Variants in SEC31B observed in about 807,000 individuals in gnomAD.
SEC31B encodes the protein protein transport protein Sec31B.
Under a neutral mutation model 135.0 loss-of-function variants are expected in SEC31B, and 113 were observed. The ratio of observed to expected loss-of-function variants is 0.84; its 90% confidence interval spans 0.72 to 0.98. The LOEUF is 0.98. SEC31B is among the 50% of genes least tolerant of loss of function. The pLI is 0.00. For synonymous variants in SEC31B, 508 were observed against 549.4 expected (o/e 0.92, Z 1.05); for missense variants, 1,296 against 1,421.1 (o/e 0.91, Z 1.42).
intron 6 of SEC31B, 139 bp downstream of exon 6, chr10:100,507,769 A>G (rs1474100028): frequency 3.7e-6 from 5 of 1,334,090 alleles, no homozygotes; most frequent in African/African-American, 2.9e-5. Flanking sequence ...TTCACTCTCA[A>G]TAGGAAATGT....
At chr10:100,496,576 CG>C (rs1328731555) in intron 17 of SEC31B, 145 bp from the exon 18 acceptor site, 2 of 813,258 alleles carry the variant, frequency 2.5e-6, no homozygotes, top group Admixed American at 5.7e-5. Context: ...GATGATGACA[CG>C]TAAGAACTGT....
chr10:100,487,660 T>C lies in SEC31B; in HGVS notation c.3496A>G (p.Ile1166Val), dbSNP rs111248090. 25 of 1,613,702 alleles carry C rather than the reference T, an allele frequency of 1.5e-5. No homozygotes were observed. The highest frequency in any genetic ancestry group is 1.2e-4 in the African/African-American group (9 of 75,058). Residue 1166 changes from isoleucine to valine, a missense_variant, in exon 26 of 26, where the codon ATC becomes GTC. Physicochemically the swap from Ile to Val is conservative, Grantham distance 29 (BLOSUM62 3). Transcript: ENST00000370345. The part of the protein sequence containing the change: ...SFSEVSSFMP[I>V]LKAVLIIAHK... The stretch of plus-strand genomic sequence containing the variant: ...GCGATGATGAGGACAGCCTTCAGGA[T>C]AGGCATGAAGCTGGACACCTCGCTG...
chr10:100,493,877 A>C (rs188411197), intron 19 of SEC31B, among the ~76,000 whole-genome samples: 1 of 151,910 alleles, frequency 6.6e-6, no homozygotes, highest in Non-Finnish European at 1.5e-5. Context: ...GTTGGGATGC[A>C]GGAGACATCC....
intron 23 of SEC31B, 56 bp downstream of exon 23, chr10:100,489,196 C>T: frequency 6.5e-7 from 1 of 1,541,474 alleles, no homozygotes; most frequent in Non-Finnish European, 8.7e-7. Context: ...CCATGACCTG[C>T]ACCCAAGGAG....
At position 100,498,817 on chromosome 10, in the gene SEC31B, G is replaced by A. The variant is rs752592078; in HGVS notation, c.1585-13C>T. On this transcript the variant is annotated splice_polypyrimidine_tract_variant and intron_variant, in intron 13 of 25. Transcript: ENST00000370345. ...TGTGTTTGGAGGCCTGTATGAGGAA[G>A]GACAGAGGTGACTACTTAGGGATGA... 7 of 1,590,710 alleles carry A rather than the reference G, an allele frequency of 4.4e-6. No homozygotes were observed. Among genetic ancestry groups the A allele is most frequent in the Non-Finnish European group, 4.3e-6 (5 of 1,159,182 alleles).
intron 4 of SEC31B, 40 bp from the exon 5 acceptor site, chr10:100,509,142 G>T: frequency 6.3e-7 from 1 of 1,591,856 alleles, no homozygotes; most frequent in South Asian, 1.1e-5. Context: ...ACCACCCTAG[G>T]AAGAAACAGA....
chr10:100,509,510 A>C lies in SEC31B; in HGVS notation c.205T>G (p.Phe69Val), dbSNP rs376494359. The C allele has an allele frequency of 6.2e-7, 1 of 1,606,532 alleles. No individual in the cohort carries two copies. Among genetic ancestry groups the C allele is most frequent in the Non-Finnish European group, 8.5e-7 (1 of 1,175,324 alleles). The change falls in exon 4 of 26, where the codon TTT (phenylalanine) becomes GTT (valine). Residue 69 changes from phenylalanine to valine, a missense_variant and splice_region_variant. Physicochemically the swap from Phe to Val is conservative, Grantham distance 50. Coordinates refer to ENST00000370345, the MANE Select transcript of SEC31B (RefSeq NM_015490.4). ...AAGCTCCCCCAGACCAGCTTGTGAAACCTATAAAGAGGAGGAACTGGCATC... is the reference window on the plus strand; with the variant it reads ...AAGCTCCCCCAGACCAGCTTGTGAACCCTATAAAGAGGAGGAACTGGCATC... ...HRGVLSALSRFHKLVWGSFGS... is the reference protein window; with the variant it reads ...HRGVLSALSRVHKLVWGSFGS...
chr10:100,489,761 C>T lies in SEC31B; in HGVS notation c.2966G>A (p.Gly989Glu), dbSNP rs1255510050. 6.2e-7 allele frequency: 1 copy of T among 1,613,900 alleles called. No homozygotes were observed. Among genetic ancestry groups the T allele is most frequent in the Admixed American group, 1.7e-5 (1 of 59,990 alleles). ...GGCTTCTTTCCAGGAATCTTGAGGT[C>T]CTATAGAATAAAAAGATAGAGGTTT... ...PTTGILTPHP[G>E]PQDSWKEAPA... The change falls in exon 22 of 26, where the codon GGA (glycine) becomes GAA (glutamate). Residue 989 changes from glycine (G) to glutamate (E), a missense_variant and splice_region_variant. By Grantham distance (98) the Gly-to-Glu change is moderately conservative. Transcript: ENST00000370345.
chr10:100,517,502 C>T (rs1401673829), intron 1 of SEC31B, among the ~76,000 whole-genome samples: 1 of 152,228 alleles, frequency 6.6e-6, no homozygotes, highest in East Asian at 1.9e-4. Context: ...GCTGGGATAA[C>T]AGGCATGTGC....
chr10:100,504,988 T>C (rs1589737126), intron 10 of SEC31B, among the ~76,000 whole-genome samples: 1 of 152,234 alleles, frequency 6.6e-6, no homozygotes, highest in East Asian at 1.9e-4. Context: ...TCAAACGTTT[T>C]GAACAGAGAA....
intron 18 of SEC31B, 80 bp from the exon 19 acceptor site, chr10:100,495,626 C>T: frequency 1.5e-6 from 2 of 1,334,276 alleles, no homozygotes; most frequent in Non-Finnish European, 2.1e-6. Context: ...TTTCAGCTGA[C>T]CCTCTACACC....
At chr10:100,497,083 G>A in intron 17 of SEC31B, 52 bp downstream of exon 17, 1 of 1,595,376 alleles carries the variant, frequency 6.3e-7, no homozygotes, top group Non-Finnish European at 8.6e-7. Flanking sequence ...TCCACCACTA[G>A]CCTCCTAAGG....
rs141058749 is a variant in SEC31B, at chr10:100,488,879, G to A, written c.3267C>T (p.Cys1089=). The change falls in exon 24 of 26, where the codon TGC becomes TGT. Residue 1089 remains cysteine (C), a synonymous_variant. Coordinates refer to ENST00000370345, the MANE Select transcript of SEC31B (RefSeq NM_015490.4). ...KSSFEALLQR[C]SLSATDLKTK... ...TTACTAAGTCAGTTGCAGACAGGGAGCAGCGTTGGAGAAGCGCCTCAAAGC... is the reference window on the plus strand; with the variant it reads ...TTACTAAGTCAGTTGCAGACAGGGAACAGCGTTGGAGAAGCGCCTCAAAGC... The A allele has an allele frequency of 1.9e-4, 308 of 1,602,468 alleles. 2 individuals are homozygous for A. The highest frequency in any genetic ancestry group is 2.6e-4 in the Non-Finnish European group (300 of 1,175,288).
At chr10:100,505,714 G>A in intron 9 of SEC31B, 2 of 1,415,346 alleles carry the variant, frequency 1.4e-6, no homozygotes, top group South Asian at 3.2e-5. Flanking sequence ...AGTCTACAAT[G>A]GAGTGTGGCA....
intron 14 of SEC31B, 22 bp downstream of exon 14, chr10:100,498,683 C>G: frequency 6.4e-7 from 1 of 1,570,358 alleles, no homozygotes; most frequent in Non-Finnish European, 8.8e-7. Context: ...GAGACTCTCC[C>G]TCTCCCTCAG....
chr10:100,511,414 C>T (rs756962053), intron 3 of SEC31B, among the ~76,000 whole-genome samples: 8 of 152,094 alleles, frequency 5.3e-5, no homozygotes, highest in Non-Finnish European at 1.0e-4. Flanking sequence ...TGGGTGGGTG[C>T]GTACTATTCT....
chr10:100,497,246 G>T lies in SEC31B; in HGVS notation c.2025C>A (p.Ser675Arg). Residue 675 changes from serine to arginine, a missense_variant, in exon 17 of 26, where the codon AGC becomes AGA. Ser to Arg is a moderately radical substitution (Grantham distance 110). Coordinates refer to ENST00000370345, the MANE Select transcript of SEC31B (RefSeq NM_015490.4). ...GTCTGGCTTCGGAGGTTAGTGCCCTGCTGCCCTCCTGTTCCATGCGAGTTC... is the reference window on the plus strand; with the variant it reads ...GTCTGGCTTCGGAGGTTAGTGCCCTTCTGCCCTCCTGTTCCATGCGAGTTC... The part of the protein sequence containing the change: ...MLGTRMEQEG[S>R]RALTSEARLC... 1.2e-6 allele frequency: 2 copies of T among 1,614,218 alleles called. No individual in the cohort carries two copies. Among genetic ancestry groups the T allele is most frequent in the Middle Eastern group, 3.3e-4 (2 of 6,062 alleles).
rs201116872 is a variant in SEC31B at position 100,497,144 on chromosome 10, C to A, written c.2127G>T (p.Met709Ile). ...TGCAGAGAAGGGGTACCTGCAGAGCCATGGGGGACAAAGCCTGGTGGCATT... is the reference window on the plus strand; with the variant it reads ...TGCAGAGAAGGGGTACCTGCAGAGCAATGGGGGACAAAGCCTGGTGGCATT... Reference protein sequence around the residue: ...WAKCHQALSPMALQDLMEKVM... With the variant: ...WAKCHQALSPIALQDLMEKVM... The change falls in exon 17 of 26, where the codon ATG becomes ATT. Residue 709 changes from methionine to isoleucine, a missense_variant. Coordinates refer to ENST00000370345, the MANE Select transcript of SEC31B (RefSeq NM_015490.4). 2 of 1,614,164 alleles carry A rather than the reference C, an allele frequency of 1.2e-6. No homozygotes were observed. Among genetic ancestry groups the A allele is most frequent in the East Asian group, 4.5e-5 (2 of 44,882 alleles).
Position 100,487,650 on chromosome 10 carries a change from G to T in SEC31B, c.3506C>A (p.Ala1169Asp). ...CAGCTTATGAGCGATGATGAGGACA[G>T]CCTTCAGGATAGGCATGAAGCTGGA... ...EVSSFMPILK[A>D]VLIIAHKLLV Residue 1169 changes from alanine (A) to aspartate (D), a missense_variant, in exon 26 of 26, where the codon GCT becomes GAT. Coordinates refer to ENST00000370345, the MANE Select transcript of SEC31B (RefSeq NM_015490.4). 1.2e-6 allele frequency: 2 copies of T among 1,613,540 alleles called. No homozygotes were observed. The highest frequency in any genetic ancestry group is 1.7e-6 in the Non-Finnish European group (2 of 1,179,782).
Sources: gnomAD v4.1 joint callset for allele counts (sites outside exome capture counted in the v4.1 genomes callset) on GRCh38, gnomAD v4.1.1 for gene constraint, MANE v1.5 for transcripts, NCBI Gene and HGNC (gene_info 2026-07-23, HGNC 2026-07-21) for gene names.